STPG2: variants seen among roughly 807,000 people sequenced by gnomAD.
STPG2 encodes sperm-tail PG-rich repeat-containing protein 2.
In STPG2, 56 loss-of-function variants were observed where a neutral mutation model predicts 54.2. The ratio of observed to expected loss-of-function variants is 1.03; its 90% CI spans 0.83 to 1.29. STPG2 has a LOEUF of 1.29. STPG2 is among the 50% of genes most tolerant of loss of function. The pLI is 0.00. For synonymous variants in STPG2, 200 were observed against 181.8 expected (o/e 1.10, Z -0.81); for missense variants, 596 against 544.9 (o/e 1.09, Z -0.93).
At chr4:97,658,086 C>G (rs1422109898) in intron 10 of STPG2, among the ~76,000 whole-genome samples, 2 of 152,098 alleles carry the variant, frequency 1.3e-5, no homozygotes, top group African/African-American at 4.8e-5. Context: ...TCTAAAATGT[C>G]CAGATTTTAT....
At chr4:97,926,292 C>G (rs1732327860) in intron 8 of STPG2, among the ~76,000 whole-genome samples, 1 of 152,158 alleles carries the variant, frequency 6.6e-6, no homozygotes, top group Non-Finnish European at 1.5e-5. Flanking sequence ...CCAGGGTTCA[C>G]CCACAATGTG....
At position 97,552,843 on chromosome 4, in the gene STPG2, G is replaced by A. The variant is rs192106317; in HGVS notation, c.462+159856C>T. On this transcript the variant is annotated intron_variant, in intron 4 of 4. Transcript: ENST00000522676. ...ATGCATCCGAGCAGTTATTTTCCAC[G>A]ATACTAGTAGTTCAGTGAAATCATT... Among the ~76,000 whole-genome samples, 630 of 152,174 alleles carry A rather than the reference G, an allele frequency of 4.1e-3. 3 individuals are homozygous for A. The highest frequency in any genetic ancestry group is 0.02 in the South Asian group (98 of 4,810).
chr4:97,633,374 C>G (rs12509721), intron 10 of STPG2: 2 of 151,836 alleles, frequency 1.3e-5, no homozygotes, highest in African/African-American at 4.8e-5. Context: ...GTGGCAATTC[C>G]AGGGAAAAAT....
At chr4:98,032,775 T>C (rs13139216) in intron 5 of STPG2, among the ~76,000 whole-genome samples, 59,970 of 151,954 alleles carry the variant, frequency 0.39, 12,060 homozygotes, top group Middle Eastern at 0.46. Flanking sequence ...AATTAGAACC[T>C]AGGATTAAGA....
At chr4:97,509,336 T>G (rs1294998224) in intron 4 of STPG2, among the ~76,000 whole-genome samples, 1 of 152,134 alleles carries the variant, frequency 6.6e-6, no homozygotes, top group African/African-American at 2.4e-5. Context: ...TAAAACTTTA[T>G]TCATTGTTAT....
At chr4:97,842,413 C>T (rs165254) in intron 8 of STPG2, among the ~76,000 whole-genome samples, 88,458 of 151,622 alleles carry the variant, frequency 0.58, 26,372 homozygotes, top group East Asian at 0.74. Context: ...GAAAAGAAAC[C>T]GGAAGAGATT....
intron 8 of STPG2, among the ~76,000 whole-genome samples, chr4:97,852,031 G>A (rs551541980): frequency 1.4e-4 from 21 of 152,236 alleles, no homozygotes; most frequent in African/African-American, 3.9e-4. Flanking sequence ...TTGCAATGTT[G>A]AATGTAAAGA....
At chr4:97,917,431 A>G (rs779308618) in intron 8 of STPG2, 2 of 152,214 alleles carry the variant, frequency 1.3e-5, no homozygotes, top group Non-Finnish European at 2.9e-5. Context: ...CAAGCAAAAG[A>G]TTTTTAAAAT....
intron 5 of STPG2, among the ~76,000 whole-genome samples, chr4:97,995,457 T>G (rs1237490065): frequency 6.6e-6 from 1 of 152,168 alleles, no homozygotes; most frequent in Non-Finnish European, 1.5e-5. Flanking sequence ...TAGTCCTGCC[T>G]CCTATCCACC....
At chr4:97,612,208 TAAAC>T (rs1733747832) in intron 10 of STPG2, among the ~76,000 whole-genome samples, 1 of 149,474 alleles carries the variant, frequency 6.7e-6, no homozygotes, top group Admixed American at 6.7e-5. Flanking sequence ...ACCACACACT[TAAAC>T]AAGATACATT....
chr4:97,597,446 A>G (rs1733328325), intron 10 of STPG2, among the ~76,000 whole-genome samples: 1 of 152,124 alleles, frequency 6.6e-6, no homozygotes, highest in South Asian at 2.1e-4. Context: ...CCTGGCAGAG[A>G]TTCAACTAAG....
At chr4:97,785,687 A>G (rs1726801153) in intron 9 of STPG2, among the ~76,000 whole-genome samples, 1 of 152,148 alleles carries the variant, frequency 6.6e-6, no homozygotes, top group Non-Finnish European at 1.5e-5. Context: ...GAACAAAACA[A>G]AAACAACAAC....
At chr4:97,526,913 C>G (rs1447763232) in intron 4 of STPG2, among the ~76,000 whole-genome samples, 2 of 151,828 alleles carry the variant, frequency 1.3e-5, no homozygotes, top group African/African-American at 4.8e-5. Context: ...GGTTTCCCAG[C>G]ACCATTTATT....
intron 8 of STPG2, among the ~76,000 whole-genome samples, chr4:97,899,826 T>C (rs1731106634): frequency 6.6e-6 from 1 of 152,118 alleles, no homozygotes; most frequent in South Asian, 2.1e-4. Flanking sequence ...CAGCTTAAGA[T>C]GGATTAAAGA....
Position 97,972,307 on chromosome 4 carries a change from A to C in STPG2, c.906T>G (p.Cys302Trp). Residue 302 changes from cysteine to tryptophan, a missense_variant, in exon 7 of 11, where the codon TGT (cysteine) becomes TGG (tryptophan). By Grantham distance (215) the Cys-to-Trp change is radical (BLOSUM62 -2). Coordinates refer to ENST00000295268, the MANE Select transcript of STPG2 (RefSeq NM_174952.3). ...RTFFSVQKEA[C>W]ATPGPADYQE... ...GATAATCAGCAGGTCCAGGGGTAGC[A>C]CAAGCTTCTTTCTGAACCGAGAAGA... is the stretch of plus-strand genomic sequence containing the variant. 1 of 1,603,508 alleles carries C rather than the reference A, an allele frequency of 6.2e-7. No homozygotes were observed. The highest frequency in any genetic ancestry group is 8.5e-7 in the Non-Finnish European group (1 of 1,175,226).
At chr4:97,929,718 G>T (rs1224953376) in intron 8 of STPG2, among the ~76,000 whole-genome samples, 1 of 152,006 alleles carries the variant, frequency 6.6e-6, no homozygotes, top group Admixed American at 6.6e-5. Flanking sequence ...ACTTTTTAAT[G>T]GGGTTTTGTT....
intron 9 of STPG2, among the ~76,000 whole-genome samples, chr4:97,733,655 A>T (rs1325258595): frequency 6.6e-6 from 1 of 152,164 alleles, no homozygotes; most frequent in Non-Finnish European, 1.5e-5. Flanking sequence ...CCAGAGGCCC[A>T]TGGTGAGAGT....
At chr4:98,043,852 G>C (rs1737038381) in intron 5 of STPG2, among the ~76,000 whole-genome samples, 1 of 151,976 alleles carries the variant, frequency 6.6e-6, no homozygotes, top group South Asian at 2.1e-4. Context: ...ATGTTGTACA[G>C]ATTATTTTTT....
chr4:97,875,304 G>A (rs1730136699), intron 8 of STPG2, among the ~76,000 whole-genome samples: 1 of 151,484 alleles, frequency 6.6e-6, no homozygotes, highest in Non-Finnish European at 1.5e-5. Context: ...ATACATAATT[G>A]TCTCTTTATA....
Sources: gnomAD v4.1 joint callset for allele counts (sites outside exome capture counted in the v4.1 genomes callset) on GRCh38, gnomAD v4.1.1 for gene constraint, MANE v1.5 for transcripts, NCBI Gene and HGNC (gene_info 2026-07-23, HGNC 2026-07-21) for gene names.